Variants in DNM1L observed in about 807,000 individuals in gnomAD.
DNM1L encodes dynamin 1L.
Under a neutral mutation model 92.8 loss-of-function variants are expected in DNM1L, and 33 were observed. The observed-to-expected ratio is 0.36, with a 90% CI of 0.27 to 0.48. The LOEUF (loss-of-function observed/expected upper bound fraction) is 0.48, where lower values mean the gene tolerates loss of function less well. Among genes scored for constraint, DNM1L ranks in the 20% least tolerant of loss-of-function variants. The pLI is 0.99. For missense variants in DNM1L, 485 were observed against 888.8 expected, an observed-to-expected ratio of 0.55 and a Z score of 5.78; for synonymous variants, 284 against 305.0, an observed-to-expected ratio of 0.93 and a Z score of 0.72.
chr12:32,742,491 G>A (rs1263227149), intron 18 of DNM1L, 98 bp from the exon 19 acceptor site: 16 of 1,428,826 alleles, frequency 1.1e-5, no homozygotes, highest in Middle Eastern at 2.2e-4. Flanking sequence ...AAGTAGTAGT[G>A]TTCTTACTTA....
At chr12:32,709,267 G>A (rs762914544) in intron 4 of DNM1L, among the ~76,000 whole-genome samples, 2 of 152,060 alleles carry the variant, frequency 1.3e-5, no homozygotes, top group Admixed American at 6.6e-5. Flanking sequence ...TTAGCTTATC[G>A]TCATTCCTCT....
chr12:32,725,827 ACTC>A (rs1156976863), intron 9 of DNM1L, among the ~76,000 whole-genome samples: 1 of 150,904 alleles, frequency 6.6e-6, no homozygotes, highest in Non-Finnish European at 1.5e-5. Context: ...CTGGTGTTGA[ACTC>A]CTGACCTCAG....
chr12:32,698,891 C>T (rs908071899), intron 1 of DNM1L, among the ~76,000 whole-genome samples: 1 of 151,938 alleles, frequency 6.6e-6, no homozygotes, highest in Non-Finnish European at 1.5e-5. Context: ...GTGGCTGGCT[C>T]CTGGAATCCT....
intron 12 of DNM1L, chr12:32,732,663 A>C: frequency 2.2e-6 from 1 of 447,526 alleles, no homozygotes; most frequent in Non-Finnish European, 4.5e-6. Flanking sequence ...TCAGATTCTG[A>C]TGTCTAAGAC....
intron 6 of DNM1L, among the ~76,000 whole-genome samples, chr12:32,716,851 C>T (rs1211524267): frequency 6.8e-6 from 1 of 146,622 alleles, no homozygotes; most frequent in Non-Finnish European, 1.5e-5. Flanking sequence ...AATAAAGCTG[C>T]TGTAGATATT....
At chr12:32,742,978 C>T (rs200270137) in intron 19 of DNM1L, among the ~76,000 whole-genome samples, 16 of 146,806 alleles carry the variant, frequency 1.1e-4, no homozygotes, top group East Asian at 1.0e-3. Context: ...TCACTGCAAG[C>T]GCCGCCTCCC....
rs987265037 is a variant in DNM1L, at chr12:32,731,178, A to G, written c.1200+44A>G. The stretch of plus-strand genomic sequence containing the variant: ...TTAGACTGTAAAAAAAAATGAGGTT[A>G]AAGTTTTTCTTACCCATATACTGTG... On this transcript the variant is annotated intron_variant, in intron 10 of 19. Transcript: ENST00000549701. The surrounding 1 kb of genome is among the most constrained non-coding windows in gnomAD (Gnocchi z 5.1). 2 of 1,613,100 alleles carry G rather than the reference A, an allele frequency of 1.2e-6. No homozygotes were observed. Among genetic ancestry groups the G allele is most frequent in the Non-Finnish European group, 1.7e-6 (2 of 1,179,440 alleles).
chr12:32,688,690 G>A (rs1952117861), intron 1 of DNM1L, among the ~76,000 whole-genome samples: 1 of 152,184 alleles, frequency 6.6e-6, no homozygotes, highest in African/African-American at 2.4e-5. Flanking sequence ...CTTCTTGGAT[G>A]TGTAGATTCA....
intron 2 of DNM1L, among the ~76,000 whole-genome samples, chr12:32,704,743 G>A (rs189101929): frequency 1.3e-5 from 2 of 152,266 alleles, no homozygotes; most frequent in African/African-American, 4.8e-5. Flanking sequence ...ATAGGGTGCT[G>A]TGATACACGT....
chr12:32,679,563 C>G, intron 1 of DNM1L, 98 bp downstream of exon 1: 1 of 1,460,342 alleles, frequency 6.8e-7, no homozygotes, highest in Non-Finnish European at 9.3e-7. Context: ...CCCACTCCCG[C>G]GCCAGCCTTT....
rs1329581197 is a variant in DNM1L at position 32,745,582 on chromosome 12, C to A, written c.*2172C>A. 1 of 152,376 alleles carries A rather than the reference C, an allele frequency of 6.6e-6. No individual in the cohort carries two copies. The highest frequency in any genetic ancestry group is 2.4e-5 in the African/African-American group (1 of 41,464). The allele number at this position is 152,376 out of a possible 1,614,324, so 9.4% of individuals were successfully genotyped here. A position where few individuals can be genotyped will look rare whatever the true frequency, so the allele number is the denominator to read the frequency against. On this transcript the variant is annotated 3_prime_UTR_variant, in exon 20 of 20. Transcript: ENST00000549701. The stretch of plus-strand genomic sequence containing the variant: ...GTCAAAAAATGAATTCTTAACTTTT[C>A]TCCCAGAGAAAGGGAGACAAAAGGA...
intron 2 of DNM1L, 45 bp from the exon 3 acceptor site, chr12:32,707,322 A>C (rs1226945603): frequency 4.0e-6 from 6 of 1,486,366 alleles, no homozygotes; most frequent in Middle Eastern, 3.5e-4. Context: ...AAAGATAAAA[A>C]GTAGTTTCCA....
intron 1 of DNM1L, among the ~76,000 whole-genome samples, chr12:32,699,796 C>CA (rs34943495): frequency 0.28 from 19,767 of 71,146 alleles, 3,484 homozygotes; most frequent in East Asian, 0.55. Flanking sequence ...GACTCCATCT[C>CA]AAAAAAAAAA....
chr12:32,715,674 A>G (rs1953331845), intron 6 of DNM1L, among the ~76,000 whole-genome samples: 1 of 152,102 alleles, frequency 6.6e-6, no homozygotes, highest in African/African-American at 2.4e-5. Context: ...GAAGGTTACA[A>G]TGAGCCGAGA....
At position 32,740,766 on chromosome 12, in the gene DNM1L, T is replaced by C. The variant is rs563840243; in HGVS notation, c.1994+248T>C. ...TCTTTTGTTCTATCTGGCTGCCACA[T>C]TTTGAGTCATTTAAGAAAATCTTTT... On this transcript the variant is annotated intron_variant, in intron 18 of 19. Transcript: ENST00000549701. 5.9e-5 allele frequency among the ~76,000 whole-genome samples: 9 copies of C among 152,338 alleles called. No homozygotes were observed. In the South Asian group the frequency reaches 8.3e-4, roughly 14 times the overall value.
chr12:32,723,424 C>T (rs1271132749), intron 9 of DNM1L, among the ~76,000 whole-genome samples: 2 of 152,166 alleles, frequency 1.3e-5, no homozygotes, highest in Non-Finnish European at 2.9e-5. Context: ...TGGCCAGGCA[C>T]AGTGGCTCAT....
At position 32,743,708 on chromosome 12, in the gene DNM1L, G is replaced by A; in HGVS notation, c.*298G>A. On this transcript the variant is annotated 3_prime_UTR_variant, in exon 20 of 20. Coordinates refer to ENST00000549701, the MANE Select transcript of DNM1L (RefSeq NM_012062.5). The stretch of plus-strand genomic sequence containing the variant: ...ACTGTTAATGTTCTAGTTGTGCAAA[G>A]CAGTTTGCCTGTGGATAAGATGACC... The A allele has an allele frequency of 2.5e-6, 1 of 396,854 alleles. No individual in the cohort carries two copies. Among genetic ancestry groups the A allele is most frequent in the African/African-American group, 2.0e-5 (1 of 49,510 alleles). 24.6% of individuals were successfully genotyped at this position (396,854 alleles called of 1,614,324 possible).
At chr12:32,718,888 C>G in intron 7 of DNM1L, 125 bp downstream of exon 7, 1 of 1,341,832 alleles carries the variant, frequency 7.5e-7, no homozygotes, top group Non-Finnish European at 1.1e-6. Flanking sequence ...TATATTTTTT[C>G]TCCCTTTTAT....
intron 2 of DNM1L, among the ~76,000 whole-genome samples, chr12:32,704,409 G>A (rs1952835927): frequency 6.6e-6 from 1 of 151,958 alleles, no homozygotes; most frequent in African/African-American, 2.4e-5. Flanking sequence ...AATAAGCTAG[G>A]TGTGGTGGCG....
Sources: gnomAD v4.1 joint callset for allele counts (sites outside exome capture counted in the v4.1 genomes callset) on GRCh38, gnomAD v4.1.1 for gene constraint, Gnocchi (gnomAD v3.1) non-coding constraint, MANE v1.5 for transcripts, NCBI Gene and HGNC (gene_info 2026-07-23, HGNC 2026-07-21) for gene names.